Variants in KHDRBS2 observed in about 807,000 individuals in gnomAD.
KHDRBS2 encodes KH domain-containing, RNA-binding, signal transduction-associated protein 2.
In KHDRBS2, 26 loss-of-function variants were observed where a neutral mutation model predicts 44.3. The observed-to-expected ratio is 0.59, with a 90% CI of 0.43 to 0.81. The LOEUF is 0.81. Ranked by LOEUF, KHDRBS2 falls within the 40% of genes least tolerant of loss-of-function variation. KHDRBS2 has a pLI of 0.00. For synonymous variants in KHDRBS2, 194 were observed against 151.1 expected, an observed-to-expected ratio of 1.28 and a Z score of -2.08; for missense variants, 476 against 433.1, an observed-to-expected ratio of 1.10 and a Z score of -0.88.
At chr6:61,717,280 T>C (rs942551698) in intron 7 of KHDRBS2, among the ~76,000 whole-genome samples, 4 of 152,022 alleles carry the variant, frequency 2.6e-5, no homozygotes, top group African/African-American at 9.7e-5. Context: ...AACACATTGT[T>C]TCTTTCCTAA....
intron 3 of KHDRBS2, among the ~76,000 whole-genome samples, chr6:62,033,833 C>T (rs1452441812): frequency 1.3e-5 from 2 of 150,824 alleles, no homozygotes; most frequent in Non-Finnish European, 3.0e-5. Flanking sequence ...TATGAAATAT[C>T]CATGAAATAA....
chr6:62,065,119 A>T (rs1793251523), intron 2 of KHDRBS2, among the ~76,000 whole-genome samples: 1 of 151,622 alleles, frequency 6.6e-6, no homozygotes, highest in South Asian at 2.1e-4. Context: ...CAATCATTAA[A>T]AAGTCAGGAA....
At chr6:61,919,451 T>C (rs748836540) in intron 4 of KHDRBS2, among the ~76,000 whole-genome samples, 1 of 151,872 alleles carries the variant, frequency 6.6e-6, no homozygotes, top group East Asian at 1.9e-4. Context: ...TGTGCAGAGC[T>C]TGATGAGGTC....
At chr6:61,584,615 A>G in the KHDRBS2 span, among the ~76,000 whole-genome samples, 37 of 151,964 alleles carry the variant, frequency 2.4e-4, no homozygotes, top group East Asian at 6.8e-3. Flanking sequence ...AGGCATCTAC[A>G]ATTTTAGGGA....
chr6:61,677,390 CTGA>C (rs763418170), downstream of KHDRBS2, among the ~76,000 whole-genome samples: 6 of 151,780 alleles, frequency 4.0e-5, no homozygotes, highest in Non-Finnish European at 7.4e-5. Flanking sequence ...TGAAATGTTA[CTGA>C]TAAGTAAAAT....
chr6:61,566,086 C>T, the KHDRBS2 span, among the ~76,000 whole-genome samples: 1 of 151,840 alleles, frequency 6.6e-6, no homozygotes, highest in African/African-American at 2.4e-5. Flanking sequence ...CAGTCATTCA[C>T]AATGCCATGG....
chr6:62,151,002 C>T (rs1252648541), intron 2 of KHDRBS2, among the ~76,000 whole-genome samples: 3 of 152,086 alleles, frequency 2.0e-5, no homozygotes, highest in Non-Finnish European at 4.4e-5. Context: ...TTCCCCCCTT[C>T]TCACCCCATC....
chr6:61,839,778 G>C (rs1310099086), intron 6 of KHDRBS2, among the ~76,000 whole-genome samples: 1 of 152,046 alleles, frequency 6.6e-6, no homozygotes, highest in Non-Finnish European at 1.5e-5. Flanking sequence ...AAGCAGAAAT[G>C]CTGCCTGAAC....
chr6:62,162,755 T>C (rs906996509), intron 2 of KHDRBS2, among the ~76,000 whole-genome samples: 1 of 152,004 alleles, frequency 6.6e-6, no homozygotes, highest in African/African-American at 2.4e-5. Context: ...CTTAAATTCA[T>C]GGTATATTTT....
the KHDRBS2 span, among the ~76,000 whole-genome samples, chr6:61,661,042 C>A: frequency 6.6e-6 from 1 of 151,796 alleles, no homozygotes; most frequent in East Asian, 1.9e-4. Context: ...ATAAGACACA[C>A]AGAAATTGTG....
intron 2 of KHDRBS2, among the ~76,000 whole-genome samples, chr6:62,103,749 C>T (rs12660381): frequency 0.45 from 67,712 of 152,042 alleles, 16,889 homozygotes; most frequent in Non-Finnish European, 0.55. Flanking sequence ...TTGCAGTGGC[C>T]CCTCCAGGCA....
At chr6:62,169,036 T>TA (rs1819283216) in intron 2 of KHDRBS2, among the ~76,000 whole-genome samples, 1 of 131,662 alleles carries the variant, frequency 7.6e-6, no homozygotes, top group Non-Finnish European at 1.6e-5. Context: ...TCTCCAGTCA[T>TA]ATATATATAT....
chr6:61,726,685 G>A (rs1283350510), intron 7 of KHDRBS2, among the ~76,000 whole-genome samples: 1 of 152,024 alleles, frequency 6.6e-6, no homozygotes, highest in Non-Finnish European at 1.5e-5. Context: ...GCCACAAAAA[G>A]AATAAAATAT....
At chr6:62,195,029 T>C (rs1825393408) in intron 1 of KHDRBS2, among the ~76,000 whole-genome samples, 1 of 152,104 alleles carries the variant, frequency 6.6e-6, no homozygotes, top group Non-Finnish European at 1.5e-5. Flanking sequence ...GATATTATCA[T>C]CTTAACAATA....
intron 6 of KHDRBS2, among the ~76,000 whole-genome samples, chr6:61,755,382 A>G (rs1355662501): frequency 6.6e-6 from 1 of 152,160 alleles, no homozygotes; most frequent in Admixed American, 6.5e-5. Flanking sequence ...GTCCTGGACT[A>G]TGAAGGAAAC....
At chr6:61,632,686 T>G in the KHDRBS2 span, among the ~76,000 whole-genome samples, 5 of 152,126 alleles carry the variant, frequency 3.3e-5, no homozygotes, top group African/African-American at 4.8e-5. Context: ...AGATGGTTAA[T>G]TTTCATTGCT....
chr6:61,748,165 A>G (rs1777132188), intron 6 of KHDRBS2, among the ~76,000 whole-genome samples: 1 of 152,008 alleles, frequency 6.6e-6, no homozygotes, highest in South Asian at 2.1e-4. Context: ...AATGATTTGT[A>G]TTTTTAGTAG....
intron 6 of KHDRBS2, among the ~76,000 whole-genome samples, chr6:61,792,110 T>C (rs1388414035): frequency 1.3e-5 from 2 of 151,680 alleles, no homozygotes; most frequent in East Asian, 3.9e-4. Context: ...AATTTGGCAA[T>C]TAAATTTTAA....
chr6:61,729,029 T>C (rs1774020370), intron 7 of KHDRBS2, among the ~76,000 whole-genome samples: 1 of 152,134 alleles, frequency 6.6e-6, no homozygotes, highest in Admixed American at 6.6e-5. Context: ...CATGCACTTG[T>C]ATGTTTATTG....
Sources: gnomAD v4.1 joint callset for allele counts (sites outside exome capture counted in the v4.1 genomes callset) on GRCh38, gnomAD v4.1.1 for gene constraint, MANE v1.5 for transcripts, NCBI Gene and HGNC (gene_info 2026-07-23, HGNC 2026-07-21) for gene names.